Variants in MARCHF10 observed in about 807,000 individuals in gnomAD.
MARCHF10 encodes the protein probable E3 ubiquitin-protein ligase MARCHF10.
A neutral mutation model predicts 76.2 loss-of-function variants in MARCHF10; 64 were observed. The ratio of observed to expected loss-of-function variants is 0.84; its 90% confidence interval spans 0.69 to 1.03. The LOEUF is 1.03. Among genes scored for constraint, MARCHF10 ranks in the 50% least tolerant of loss-of-function variants. The pLI, the probability that MARCHF10 is intolerant of heterozygous loss-of-function variation, is 0.00. For synonymous variants in MARCHF10, 340 were observed against 357.5 expected (o/e 0.95, Z 0.55); for missense variants, 875 against 958.0 (o/e 0.91, Z 1.14).
At chr17:62,796,526 T>C (rs1027339067) in intron 2 of MARCHF10, among the ~76,000 whole-genome samples, 35 of 152,334 alleles carry the variant, frequency 2.3e-4, no homozygotes, top group South Asian at 4.1e-4. Context: ...ATTTGACTTT[T>C]AGGAATAGTC....
chr17:62,758,436 C>T (rs944071639), intron 4 of MARCHF10, among the ~76,000 whole-genome samples: 4 of 152,126 alleles, frequency 2.6e-5, no homozygotes, highest in Admixed American at 1.3e-4. Flanking sequence ...ATCCTCAATT[C>T]GATAAATTAC....
chr17:62,788,235 AGAGT>A (rs772962011), intron 3 of MARCHF10, among the ~76,000 whole-genome samples: 2 of 152,194 alleles, frequency 1.3e-5, no homozygotes, highest in African/African-American at 2.4e-5. Context: ...ACAGGAAAGA[AGAGT>A]GAGCCCAACC....
intron 1 of MARCHF10, among the ~76,000 whole-genome samples, chr17:62,802,439 C>T (rs111432834): frequency 3.4e-3 from 522 of 152,158 alleles, no homozygotes; most frequent in African/African-American, 0.012. Flanking sequence ...GGGCTGGTCT[C>T]GAGTTCCTGA....
chr17:62,803,708 G>C (rs2093116874), intron 1 of MARCHF10, among the ~76,000 whole-genome samples: 1 of 152,044 alleles, frequency 6.6e-6, no homozygotes, highest in South Asian at 2.1e-4. Flanking sequence ...TAGAGGCGAG[G>C]TTTCACCATA....
intron 10 of MARCHF10, among the ~76,000 whole-genome samples, chr17:62,703,893 G>C (rs1427305112): frequency 2.0e-5 from 3 of 152,228 alleles, no homozygotes; most frequent in Non-Finnish European, 2.9e-5. Flanking sequence ...CCAGGCTCCA[G>C]GGTGTGCGGG....
intron 2 of MARCHF10, among the ~76,000 whole-genome samples, chr17:62,798,497 A>G (rs2093022475): frequency 6.6e-6 from 1 of 151,996 alleles, no homozygotes; most frequent in African/African-American, 2.4e-5. Flanking sequence ...GAAAGGAGTA[A>G]TAACGTCAAA....
chr17:62,768,284 G>A (rs2092378593), intron 3 of MARCHF10, among the ~76,000 whole-genome samples: 1 of 152,158 alleles, frequency 6.6e-6, no homozygotes, highest in Non-Finnish European at 1.5e-5. Flanking sequence ...TTTGGGAAGC[G>A]GAGGTGGGTG....
At chr17:62,704,348 C>T (rs923260994) in intron 10 of MARCHF10, among the ~76,000 whole-genome samples, 6 of 152,010 alleles carry the variant, frequency 3.9e-5, no homozygotes, top group Admixed American at 2.0e-4. Context: ...AGGCCGGGGT[C>T]GGGGGTGGCC....
At chr17:62,704,943 G>A in intron 10 of MARCHF10, 3 of 945,226 alleles carry the variant, frequency 3.2e-6, no homozygotes, top group Non-Finnish European at 3.7e-6. Flanking sequence ...TTTTTCTCCA[G>A]TCGTTTTTTT....
intron 1 of MARCHF10, among the ~76,000 whole-genome samples, chr17:62,804,686 C>T (rs754689544): frequency 6.6e-6 from 1 of 152,132 alleles, no homozygotes. Flanking sequence ...GCCAAGATAT[C>T]TAAGCTCACA....
At chr17:62,780,170 T>TGTGGCTA (rs1303533250) in intron 3 of MARCHF10, among the ~76,000 whole-genome samples, 2 of 105,688 alleles carry the variant, frequency 1.9e-5, no homozygotes, top group Admixed American at 1.9e-4. Context: ...GTGTGTAACA[T>TGTGGCTA]GTGGCTAGTG....
chr17:62,774,283 A>G (rs2092505821), intron 3 of MARCHF10, among the ~76,000 whole-genome samples: 1 of 152,128 alleles, frequency 6.6e-6, no homozygotes, highest in Non-Finnish European at 1.5e-5. Flanking sequence ...GGGATCTGAG[A>G]TGCCAGGATG....
At chr17:62,709,406 C>G (rs2089787544) in intron 9 of MARCHF10, among the ~76,000 whole-genome samples, 1 of 152,086 alleles carries the variant, frequency 6.6e-6, no homozygotes, top group Non-Finnish European at 1.5e-5. Flanking sequence ...ACCCGGGAGG[C>G]AGAGGTTGCA....
In MARCHF10 at chr17:62,712,360, ACT is replaced by A. The variant is rs548573000; in HGVS notation, c.2215-1018_2215-1017del. Among the ~76,000 whole-genome samples, 2 of 152,306 alleles carry A rather than the reference ACT, an allele frequency of 1.3e-5. No homozygotes were observed. The highest frequency in any genetic ancestry group is 4.8e-5 in the African/African-American group (2 of 41,568). ...CGTGGGCATGAATGACACAGTGAGC[ACT>A]CAGTGTCTCATCTGCCTTCTTCCTG... On this transcript the variant is annotated intron_variant, in intron 8 of 10. Coordinates refer to ENST00000311269, the MANE Select transcript of MARCHF10 (RefSeq NM_152598.4). The surrounding 1 kb of genome is among the most constrained non-coding windows in gnomAD (Gnocchi z 4.2).
chr17:62,745,552 C>T (rs936769671), intron 4 of MARCHF10, among the ~76,000 whole-genome samples: 8 of 152,158 alleles, frequency 5.3e-5, no homozygotes, highest in African/African-American at 1.9e-4. Context: ...TTGTATAATA[C>T]CTGCATATTT....
chr17:62,701,568 C>T lies in MARCHF10; in HGVS notation c.*135G>A. ...CAAGCCAGACCCCAAAAGAGAGTGG[C>T]ACGAGGTGAAAATCTAACTGTGAAC... On this transcript the variant is annotated 3_prime_UTR_variant, in exon 11 of 11. Coordinates refer to ENST00000311269, the MANE Select transcript of MARCHF10 (RefSeq NM_152598.4). The T allele has an allele frequency of 2.6e-6, 4 of 1,568,172 alleles. No individual in the cohort carries two copies. Among genetic ancestry groups the T allele is most frequent in the South Asian group, 2.3e-5 (2 of 86,544 alleles).
rs1048427975 is a variant in MARCHF10, at chr17:62,736,074, A to G, written c.1794T>C (p.Asn598=). The G allele has an allele frequency of 5.6e-6, 9 of 1,614,128 alleles. No homozygotes were observed. The South Asian group carries it at 8.8e-5, about 16-fold the overall frequency. ...HLHVSGSLQE[N]TPFTFFAVSH... is the part of the protein sequence containing the mutation. Reference sequence around the variant, plus strand: ...ACACTGCAAAGAAAGTAAATGGTGTATTTTCTTGCAGAGACCCAGACACAT... The same window carrying G: ...ACACTGCAAAGAAAGTAAATGGTGTGTTTTCTTGCAGAGACCCAGACACAT... The change falls in exon 6 of 11, where the codon AAT becomes AAC. Residue 598 remains asparagine, a synonymous_variant. Transcript: ENST00000311269.
intron 6 of MARCHF10, among the ~76,000 whole-genome samples, chr17:62,729,960 G>GAT (rs1248644449): frequency 9.8e-5 from 15 of 152,342 alleles, no homozygotes; most frequent in African/African-American, 3.6e-4. Context: ...AAGGTGGGCA[G>GAT]ATCATGAAGT....
rs558684470 is a variant in MARCHF10 at position 62,706,784 on chromosome 17, CAGAT to C, written c.2329-1207_2329-1204del. ...TGCTCCAGGAGATCGTTGTAATAAT[CAGAT>C]AGAGACAAGACCTGAGCTGGGAGGA... On this transcript the variant is annotated intron_variant, in intron 9 of 10. Coordinates refer to ENST00000311269, the MANE Select transcript of MARCHF10 (RefSeq NM_152598.4). Among the ~76,000 whole-genome samples, 355 of 152,236 alleles carry C rather than the reference CAGAT, an allele frequency of 2.3e-3. 4 individuals carry two copies. Among genetic ancestry groups the C allele is most frequent in the African/African-American group, 8.1e-3 (337 of 41,520 alleles).
Sources: gnomAD v4.1 joint callset for allele counts (sites outside exome capture counted in the v4.1 genomes callset) on GRCh38, gnomAD v4.1.1 for gene constraint, Gnocchi (gnomAD v3.1) non-coding constraint, MANE v1.5 for transcripts, NCBI Gene and HGNC (gene_info 2026-07-23, HGNC 2026-07-21) for gene names.